PCDHA7: variants seen among roughly 807,000 people sequenced by gnomAD.
PCDHA7 encodes the protein protocadherin alpha-7.
Under a neutral mutation model 57.2 loss-of-function variants are expected in PCDHA7, and 37 were observed. The observed-to-expected ratio is 0.65, with a 90% CI of 0.50 to 0.85. PCDHA7 has a LOEUF of 0.85. Ranked by LOEUF, PCDHA7 falls within the 40% of genes least tolerant of loss-of-function variation. PCDHA7 has a pLI of 0.00. For missense variants in PCDHA7, 1,188 were observed against 1,241.8 expected (o/e 0.96, Z 0.65); for synonymous variants, 553 against 558.8 (o/e 0.99, Z 0.15).
chr5:140,882,052 C>A (rs2058925535), intron 1 of PCDHA7: 5 of 766,334 alleles, frequency 6.5e-6, no homozygotes, highest in Admixed American at 3.1e-5. Context: ...GTCATACTTA[C>A]ACTTACACGT....
chr5:140,899,548 T>C (rs1452628026), intron 1 of PCDHA7, among the ~76,000 whole-genome samples: 5 of 152,214 alleles, frequency 3.3e-5, no homozygotes, highest in African/African-American at 1.2e-4. Flanking sequence ...TCATGGTGGA[T>C]AAGCTTTTTG....
intron 1 of PCDHA7, chr5:140,875,158 AC>A: frequency 3.0e-6 from 1 of 338,826 alleles, no homozygotes; most frequent in East Asian, 5.5e-5. Flanking sequence ...GTGAAAAATA[AC>A]CCAAAGTCGA....
intron 1 of PCDHA7, among the ~76,000 whole-genome samples, chr5:140,886,628 C>T (rs1305924545): frequency 6.6e-6 from 1 of 151,764 alleles, no homozygotes; most frequent in African/African-American, 2.4e-5. Context: ...GAGTCCGAGA[C>T]CAGCCTGGCC....
chr5:140,872,286 G>C (rs145153656), intron 1 of PCDHA7, among the ~76,000 whole-genome samples: 7 of 151,974 alleles, frequency 4.6e-5, no homozygotes, highest in Admixed American at 1.3e-4. Flanking sequence ...AAAAAGTTAA[G>C]CCTTGCATTC....
chr5:140,967,665 C>A, intron 1 of PCDHA7: 1 of 1,614,154 alleles, frequency 6.2e-7, no homozygotes, highest in Non-Finnish European at 8.5e-7. Context: ...AGCAGCTACA[C>A]GTCGGACCGG....
chr5:140,855,635 T>G (rs1281474999), intron 1 of PCDHA7, among the ~76,000 whole-genome samples: 4 of 149,818 alleles, frequency 2.7e-5, no homozygotes, highest in African/African-American at 7.4e-5. Flanking sequence ...ATTCGGCTAT[T>G]GATAATCATG....
intron 1 of PCDHA7, chr5:140,850,158 G>C: frequency 6.3e-7 from 1 of 1,595,230 alleles, no homozygotes; most frequent in Non-Finnish European, 8.6e-7. Flanking sequence ...GCAGGTGTTC[G>C]TGCTGGACGA....
intron 1 of PCDHA7, among the ~76,000 whole-genome samples, chr5:140,837,516 C>CG (rs149634951): frequency 0.56 from 85,489 of 151,592 alleles, 24,966 homozygotes; most frequent in African/African-American, 0.67. Flanking sequence ...AAGCAGTTTA[C>CG]TTTTTTTGTA....
chr5:140,966,925 A>C (rs782069766), intron 1 of PCDHA7: 1 of 1,603,462 alleles, frequency 6.2e-7, no homozygotes, highest in Non-Finnish European at 8.5e-7. Context: ...AGGAGCAGGC[A>C]CCCGGCGCGC....
chr5:141,001,567 T>A (rs116015618), intron 3 of PCDHA7, among the ~76,000 whole-genome samples: 2 of 152,294 alleles, frequency 1.3e-5, no homozygotes, highest in African/African-American at 4.8e-5. Context: ...ACGATTCTCC[T>A]GTGTTTTGTG....
At chr5:141,000,429 T>A (rs1327595966) in intron 3 of PCDHA7, among the ~76,000 whole-genome samples, 40 of 124,862 alleles carry the variant, frequency 3.2e-4, no homozygotes, top group African/African-American at 1.1e-3. Flanking sequence ...ATATTTTTTT[T>A]TTTTTTTTTT....
intron 1 of PCDHA7, chr5:140,842,631 C>A: frequency 1.9e-6 from 3 of 1,595,224 alleles, no homozygotes; most frequent in Non-Finnish European, 2.6e-6. Context: ...TCGCTGTGGG[C>A]CACCGCCAGC....
chr5:140,853,840 A>G, intron 1 of PCDHA7: 1 of 986,846 alleles, frequency 1.0e-6, no homozygotes, highest in Non-Finnish European at 1.2e-6. Flanking sequence ...GAAATTTTAG[A>G]TCCATAGCCC....
chr5:140,886,565 C>T (rs1298575680), intron 1 of PCDHA7, among the ~76,000 whole-genome samples: 1 of 152,100 alleles, frequency 6.6e-6, no homozygotes, highest in Admixed American at 6.5e-5. Flanking sequence ...CGGTGGCTCA[C>T]GCCTGTAATC....
chr5:140,876,718 G>A (rs1554168825), intron 1 of PCDHA7: 4 of 1,614,124 alleles, frequency 2.5e-6, no homozygotes, highest in African/African-American at 2.7e-5. Context: ...CCTGGACCGC[G>A]AGAGCGTGTC....
At chr5:140,839,581 G>GTAA (rs1206355864) in intron 1 of PCDHA7, among the ~76,000 whole-genome samples, 1 of 151,754 alleles carries the variant, frequency 6.6e-6, no homozygotes, top group Non-Finnish European at 1.5e-5. Flanking sequence ...GTAGAGATGG[G>GTAA]GTCTTACCAT....
chr5:140,879,782 G>C (rs1372413289), intron 1 of PCDHA7, among the ~76,000 whole-genome samples: 1 of 152,178 alleles, frequency 6.6e-6, no homozygotes, highest in African/African-American at 2.4e-5. Flanking sequence ...GGAAGAATCT[G>C]GTTTTTGTTT....
chr5:140,853,226 T>G (rs1465630209), intron 1 of PCDHA7: 2 of 982,912 alleles, frequency 2.0e-6, no homozygotes, highest in Non-Finnish European at 2.5e-6. Flanking sequence ...GGATTGGTAA[T>G]TTAGTCCTTC....
intron 1 of PCDHA7, chr5:140,862,540 G>A: frequency 4.5e-6 from 2 of 444,274 alleles, no homozygotes; most frequent in South Asian, 3.5e-5. Flanking sequence ...TCGGGTCCGT[G>A]GAAGTGGCCG....
Sources: gnomAD v4.1 joint callset for allele counts (sites outside exome capture counted in the v4.1 genomes callset) on GRCh38, gnomAD v4.1.1 for gene constraint, MANE v1.5 for transcripts, NCBI Gene and HGNC (gene_info 2026-07-23, HGNC 2026-07-21) for gene names.